The following GRIA3 variants were observed in gnomAD, a reference collection of about 807,000 sequenced individuals.
GRIA3 encodes the protein glutamate receptor 3.
Under a neutral mutation model 63.0 loss-of-function variants are expected in GRIA3, and 3 were observed. That is an observed-to-expected ratio of 0.05 (90% CI 0.02 to 0.12). The LOEUF is 0.12. Among genes scored for constraint, GRIA3 ranks in the 10% least tolerant of loss-of-function variants. GRIA3 has a pLI of 1.00. For synonymous variants in GRIA3, 274 were observed against 257.9 expected (o/e 1.06, Z -0.60); for missense variants, 347 against 700.9 (o/e 0.50, Z 5.70).
intron 12 of GRIA3, among the ~76,000 whole-genome samples, chrX:123,441,408 T>C (rs755656877): frequency 8.1e-5 from 9 of 111,701 alleles, no homozygotes; most frequent in African/African-American, 2.9e-4. Context: ...AATCAATATA[T>C]AGACTGCCAA....
chrX:123,332,443 G>C, intron 4 of GRIA3, among the ~76,000 whole-genome samples: 1 of 111,335 alleles, frequency 9.0e-6, no homozygotes, highest in Non-Finnish European at 1.9e-5. Flanking sequence ...CCTGTAGGTA[G>C]ATGGAAATAT....
chrX:123,460,494 A>G (rs183536762), intron 12 of GRIA3, among the ~76,000 whole-genome samples: 41 of 112,027 alleles, frequency 3.7e-4, no homozygotes, highest in African/African-American at 1.3e-3. Context: ...AATAAAACAT[A>G]GTGTGTTCGT....
At position 123,198,323 on chromosome X, in the gene GRIA3, T is replaced by C. The variant is rs186537214; in HGVS notation, c.268+12333T>C. On this transcript the variant is annotated intron_variant, in intron 2 of 15. Coordinates refer to ENST00000620443, the MANE Select transcript of GRIA3 (RefSeq NM_007325.5). ...TTACAGAACCTCTGTGAGCCTCAGT[T>C]CCATCATCTGTTCAATGAGAATAAA... is the stretch of plus-strand genomic sequence containing the variant. Among the ~76,000 whole-genome samples the C allele has an allele frequency of 7.0e-4, 79 of 112,402 alleles. 1 individual carries two copies. The highest frequency in any genetic ancestry group is 6.8e-3 in the Admixed American group (72 of 10,588).
chrX:123,450,021 C>T (rs763265158), intron 12 of GRIA3, among the ~76,000 whole-genome samples: 1 of 112,212 alleles, frequency 8.9e-6, no homozygotes, highest in East Asian at 2.8e-4. Flanking sequence ...ATGTTACCTT[C>T]CCATTTGCCA....
intron 11 of GRIA3, 85 bp downstream of exon 11, chrX:123,417,863 C>T: frequency 1.2e-6 from 1 of 869,514 alleles, no homozygotes; most frequent in Non-Finnish European, 1.7e-6. Flanking sequence ...TCCATCTCAA[C>T]TCCAGATTTT....
chrX:123,476,693 A>T (rs938122029), intron 13 of GRIA3, among the ~76,000 whole-genome samples: 1 of 110,894 alleles, frequency 9.0e-6, no homozygotes, highest in African/African-American at 3.3e-5. Context: ...CCAAAAGCAC[A>T]TTGGTTCCCT....
At chrX:123,452,032 T>C (rs2045735190) in intron 12 of GRIA3, among the ~76,000 whole-genome samples, 1 of 112,097 alleles carries the variant, frequency 8.9e-6, no homozygotes, top group Non-Finnish European at 1.9e-5. Flanking sequence ...CAATCATGTA[T>C]ATAATGCACG....
intron 4 of GRIA3, among the ~76,000 whole-genome samples, chrX:123,347,288 A>T (rs1011480815): frequency 7.2e-5 from 8 of 111,762 alleles, no homozygotes; most frequent in African/African-American, 2.6e-4. Context: ...CCTCCCATGA[A>T]CTAAGCCTCT....
chrX:123,273,397 T>C (rs73229274), intron 3 of GRIA3, among the ~76,000 whole-genome samples: 2,679 of 111,844 alleles, frequency 0.024, 31 homozygotes, highest in Non-Finnish European at 0.033. Context: ...CAGATGAGAA[T>C]TGACAAGAAT....
intron 2 of GRIA3, among the ~76,000 whole-genome samples, chrX:123,228,965 C>T (rs1363677035): frequency 8.9e-6 from 1 of 111,858 alleles, no homozygotes; most frequent in African/African-American, 3.2e-5. Flanking sequence ...TTTATTGAAG[C>T]CTGATTGCCA....
intron 2 of GRIA3, among the ~76,000 whole-genome samples, chrX:123,210,509 A>T (rs1202579583): frequency 9.0e-6 from 1 of 111,284 alleles, no homozygotes; most frequent in Non-Finnish European, 1.9e-5. Context: ...TTTTGCCTGT[A>T]ACATTAGGCA....
chrX:123,309,363 G>GA (rs11402366), intron 3 of GRIA3, among the ~76,000 whole-genome samples: 27,601 of 91,013 alleles, frequency 0.3, 3,959 homozygotes, highest in East Asian at 0.54. Flanking sequence ...AGATACTCTG[G>GA]AAAAAAAAAA....
Position 123,490,200 on chromosome X carries a change from A to G in GRIA3, c.*1490A>G, listed in dbSNP as rs2045961991. 1 of 112,734 alleles carries G rather than the reference A, an allele frequency of 8.9e-6. No individual in the cohort carries two copies. The highest frequency in any genetic ancestry group is 3.2e-5 in the African/African-American group (1 of 30,910). The allele number at this position is 112,734 out of a possible 1,213,427, so 9.3% of individuals were successfully genotyped here. A position where few individuals can be genotyped will look rare whatever the true frequency, so the allele number is the denominator to read the frequency against. On this transcript the variant is annotated 3_prime_UTR_variant, in exon 16 of 16. Transcript: ENST00000620443. ...ACTAGGAGCTCGCATTCATTTCCCA[A>G]GTGTGACCCTTAGATGCTTAGTTGA...
At chrX:123,436,746 C>T (rs1034216484) in intron 12 of GRIA3, among the ~76,000 whole-genome samples, 1 of 111,402 alleles carries the variant, frequency 9.0e-6, no homozygotes, top group Non-Finnish European at 1.9e-5. Context: ...ACACAGGACC[C>T]CCAGATCTTT....
rs905518345 is a variant in GRIA3, at chrX:123,201,398, C to T, written c.268+15408C>T. Reference sequence around the variant, plus strand: ...ATAAAGGTAGATGTAACATGATTGTCGTATGGTAGGACTGGAGATGCAGAG... The same window carrying T: ...ATAAAGGTAGATGTAACATGATTGTTGTATGGTAGGACTGGAGATGCAGAG... On this transcript the variant is annotated intron_variant, in intron 2 of 15. Coordinates refer to ENST00000620443, the MANE Select transcript of GRIA3 (RefSeq NM_007325.5). 1.8e-4 allele frequency among the ~76,000 whole-genome samples: 20 copies of T among 111,704 alleles called. 1 individual carries two copies. The highest frequency in any genetic ancestry group is 5.5e-4 in the African/African-American group (17 of 30,749).
chrX:123,240,266 A>G (rs2044322630), intron 2 of GRIA3, among the ~76,000 whole-genome samples: 1 of 112,245 alleles, frequency 8.9e-6, no homozygotes, highest in Non-Finnish European at 1.9e-5. Flanking sequence ...CCAAACCACA[A>G]TTGGGCAATT....
rs1158196630 is a variant in GRIA3, at chrX:123,271,651, GCATT to G, written c.508+18113_508+18116del. Among the ~76,000 whole-genome samples, 3 of 112,131 alleles carry G rather than the reference GCATT, an allele frequency of 2.7e-5. No individual in the cohort carries two copies. The Admixed American group carries it at 2.8e-4, about 11-fold the overall frequency. ...TCAGACTAACATCCACCCTTGACGAGCATTCATGTGCCATGCTCTGGGCTAAGCC... is the reference window on the plus strand; with the variant it reads ...TCAGACTAACATCCACCCTTGACGAGCATGTGCCATGCTCTGGGCTAAGCC... On this transcript the variant is annotated intron_variant, in intron 3 of 15. Coordinates refer to ENST00000620443, the MANE Select transcript of GRIA3 (RefSeq NM_007325.5).
At chrX:123,314,044 C>T (rs963017339) in intron 3 of GRIA3, among the ~76,000 whole-genome samples, 2 of 111,102 alleles carry the variant, frequency 1.8e-5, no homozygotes, top group Non-Finnish European at 3.8e-5. Context: ...GCCTTCCCCC[C>T]ACTGCCACCC....
At chrX:123,197,182 A>G (rs1927596048) in intron 2 of GRIA3, among the ~76,000 whole-genome samples, 1 of 111,760 alleles carries the variant, frequency 8.9e-6, no homozygotes, top group Non-Finnish European at 1.9e-5. Flanking sequence ...AGTTTTTATC[A>G]TGTGTAAACT....
Sources: allele counts gnomAD v4.1 joint callset (sites outside exome capture counted in the v4.1 genomes callset), GRCh38; gene constraint gnomAD v4.1.1; transcripts MANE v1.5; gene names NCBI Gene and HGNC (gene_info 2026-07-23, HGNC 2026-07-21).